SNTG1: variants seen among roughly 807,000 people sequenced by gnomAD.
SNTG1 encodes the protein gamma-1-syntrophin.
SNTG1 carries 39 observed loss-of-function variants against 74.7 expected under a neutral mutation model. That is an observed-to-expected ratio of 0.52 (90% confidence interval 0.40 to 0.68). SNTG1 has a LOEUF of 0.68. SNTG1 is among the 30% of genes least tolerant of loss of function. The probability of loss-of-function intolerance (pLI) is 0.00; values close to 1 mark genes in which losing one functional copy is unlikely to be tolerated. For missense variants in SNTG1, 685 were observed against 609.5 expected, an observed-to-expected ratio of 1.12 and a Z score of -1.30; for synonymous variants, 254 against 217.1, an observed-to-expected ratio of 1.17 and a Z score of -1.49.
intron 1 of SNTG1, among the ~76,000 whole-genome samples, chr8:50,033,012 T>A (rs1467704327): frequency 6.6e-6 from 1 of 152,214 alleles, no homozygotes; most frequent in Non-Finnish European, 1.5e-5. Flanking sequence ...TCTTTCAGTT[T>A]TTTTTTTAAA....
In SNTG1 at chr8:50,553,470, G is replaced by T. The variant is rs112529963; in HGVS notation, c.810+291G>T. On this transcript the variant is annotated intron_variant, in intron 12 of 18. Transcript: ENST00000642720. ...TAAATATATTTAAGTAAAAGCATTC[G>T]GGAATAATATAGTACTGGGTTTCAA... 5.4e-3 allele frequency among the ~76,000 whole-genome samples: 821 copies of T among 152,150 alleles called. 7 individuals carry two copies. Among genetic ancestry groups the T allele is most frequent in the African/African-American group, 0.018 (766 of 41,520 alleles).
At chr8:50,697,409 G>A (rs2095408933) in intron 15 of SNTG1, among the ~76,000 whole-genome samples, 1 of 152,132 alleles carries the variant, frequency 6.6e-6, no homozygotes, top group Non-Finnish European at 1.5e-5. Context: ...CAATGTGGAT[G>A]ACTTTGGTTT....
chr8:50,066,733 A>G (rs1435390342), intron 1 of SNTG1, among the ~76,000 whole-genome samples: 2 of 152,218 alleles, frequency 1.3e-5, no homozygotes, highest in Admixed American at 1.3e-4. Flanking sequence ...ATAATACAGG[A>G]TTTAATGGGA....
chr8:49,983,549 C>T (rs186222260), intron 1 of SNTG1, among the ~76,000 whole-genome samples: 2 of 152,254 alleles, frequency 1.3e-5, no homozygotes, highest in African/African-American at 4.8e-5. Context: ...TCACAGCTTA[C>T]ATAACCAAAT....
At chr8:50,144,729 G>A (rs1010342321) in intron 1 of SNTG1, among the ~76,000 whole-genome samples, 1 of 152,160 alleles carries the variant, frequency 6.6e-6, no homozygotes, top group Non-Finnish European at 1.5e-5. Flanking sequence ...AGGAGCGGCT[G>A]TAGATTGGGA....
At chr8:50,250,481 T>G (rs1005591733) in intron 2 of SNTG1, among the ~76,000 whole-genome samples, 1 of 152,128 alleles carries the variant, frequency 6.6e-6, no homozygotes, top group South Asian at 2.1e-4. Flanking sequence ...TTTCAATGAT[T>G]TTTAACCCAA....
intron 12 of SNTG1, among the ~76,000 whole-genome samples, chr8:50,578,705 T>G (rs2094591000): frequency 6.6e-6 from 1 of 152,178 alleles, no homozygotes; most frequent in South Asian, 2.1e-4. Flanking sequence ...TTTTCCCCAT[T>G]TGCTTGGCAT....
At chr8:50,065,677 T>C (rs970064119) in intron 1 of SNTG1, among the ~76,000 whole-genome samples, 85 of 152,358 alleles carry the variant, frequency 5.6e-4, no homozygotes, top group African/African-American at 1.9e-3. Flanking sequence ...CAGAATGTTA[T>C]GCATTTTGTT....
chr8:50,331,960 G>C (rs1242009869), intron 2 of SNTG1, among the ~76,000 whole-genome samples: 2 of 152,202 alleles, frequency 1.3e-5, no homozygotes, highest in South Asian at 2.1e-4. Flanking sequence ...AAAAGATGCA[G>C]ATGGCAAATT....
At chr8:49,991,221 A>T (rs1456655809) in intron 1 of SNTG1, among the ~76,000 whole-genome samples, 1 of 152,184 alleles carries the variant, frequency 6.6e-6, no homozygotes, top group Admixed American at 6.5e-5. Context: ...GCCAGTTGCA[A>T]ATCAAAACCA....
chr8:50,491,575 A>T (rs2093854016), intron 8 of SNTG1: 1 of 152,210 alleles, frequency 6.6e-6, no homozygotes, highest in Non-Finnish European at 1.5e-5. Context: ...TCCCATGCCC[A>T]TCGGAGTACG....
intron 5 of SNTG1, among the ~76,000 whole-genome samples, chr8:50,441,992 A>C (rs936733727): frequency 1.3e-5 from 2 of 152,220 alleles, no homozygotes; most frequent in African/African-American, 2.4e-5. Context: ...TAAGAAAAAA[A>C]AAGCAAAAGT....
intron 1 of SNTG1, among the ~76,000 whole-genome samples, chr8:49,971,428 C>T (rs954820857): frequency 3.3e-5 from 5 of 152,150 alleles, no homozygotes; most frequent in African/African-American, 1.2e-4. Flanking sequence ...TGGGCAAAAA[C>T]TGGGAGCACT....
At chr8:50,036,061 C>T (rs1226687665) in intron 1 of SNTG1, among the ~76,000 whole-genome samples, 2 of 152,150 alleles carry the variant, frequency 1.3e-5, no homozygotes, top group Admixed American at 6.5e-5. Context: ...TTCACAACTC[C>T]ATTTGGGATG....
At chr8:50,489,462 G>A (rs1026792165) in intron 8 of SNTG1, among the ~76,000 whole-genome samples, 7 of 152,114 alleles carry the variant, frequency 4.6e-5, no homozygotes, top group South Asian at 4.1e-4. Flanking sequence ...TTTAATGATC[G>A]CCATTCTAAC....
chr8:49,992,940 A>G (rs1401131319), intron 1 of SNTG1, among the ~76,000 whole-genome samples: 1 of 152,222 alleles, frequency 6.6e-6, no homozygotes, highest in Non-Finnish European at 1.5e-5. Flanking sequence ...TCTTGGCTAG[A>G]GATTAAATAC....
At chr8:50,190,301 G>A (rs765316105) in intron 2 of SNTG1, among the ~76,000 whole-genome samples, 3 of 152,030 alleles carry the variant, frequency 2.0e-5, no homozygotes, top group Non-Finnish European at 4.4e-5. Flanking sequence ...TATTTTTATA[G>A]TTATTACCTC....
intron 2 of SNTG1, among the ~76,000 whole-genome samples, chr8:50,310,422 C>T (rs1223649558): frequency 1.3e-5 from 2 of 152,150 alleles, no homozygotes; most frequent in South Asian, 2.1e-4. Flanking sequence ...GGCTTGGTGG[C>T]TCACGCATGT....
At chr8:50,563,034 C>T (rs1459162355) in intron 12 of SNTG1, among the ~76,000 whole-genome samples, 1 of 152,090 alleles carries the variant, frequency 6.6e-6, no homozygotes, top group African/African-American at 2.4e-5. Context: ...TCACAGGAAA[C>T]CAGGAGGGAG....
Sources: allele counts gnomAD v4.1 joint callset (sites outside exome capture counted in the v4.1 genomes callset), GRCh38; gene constraint gnomAD v4.1.1; transcripts MANE v1.5; gene names NCBI Gene and HGNC (gene_info 2026-07-23, HGNC 2026-07-21).